SLCO5A1: variants seen among roughly 807,000 people sequenced by gnomAD.
SLCO5A1 encodes the protein organic anion transporter polypeptide-related protein 4.
A neutral mutation model predicts 65.1 loss-of-function variants in SLCO5A1; 39 were observed. The ratio of observed to expected loss-of-function variants is 0.60; its 90% CI spans 0.46 to 0.78. The LOEUF (loss-of-function observed/expected upper bound fraction) is 0.78, where lower values mean the gene tolerates loss of function less well. Ranked by LOEUF, SLCO5A1 falls within the 30% of genes least tolerant of loss-of-function variation. The probability of loss-of-function intolerance (pLI) is 0.00; values close to 1 mark genes in which losing one functional copy is unlikely to be tolerated. For missense variants in SLCO5A1, 1,029 were observed against 1,069.4 expected, an observed-to-expected ratio of 0.96 and a Z score of 0.53; for synonymous variants, 438 against 415.7, an observed-to-expected ratio of 1.05 and a Z score of -0.65.
chr8:69,738,216 C>G lies in SLCO5A1; in HGVS notation c.1259-12G>C, dbSNP rs1347328193. Reference sequence around the variant, plus strand: ...TGCTCTTGGTAGGTCTACAAAATGACAAAAATGACAAATGAATGTTATAAA... The same window carrying G: ...TGCTCTTGGTAGGTCTACAAAATGAGAAAAATGACAAATGAATGTTATAAA... On this transcript the variant is annotated splice_polypyrimidine_tract_variant and intron_variant, in intron 4 of 9. Coordinates refer to ENST00000260126, the MANE Select transcript of SLCO5A1 (RefSeq NM_030958.3). The G allele has an allele frequency of 5.7e-6, 9 of 1,572,254 alleles. No individual in the cohort carries two copies. The highest frequency in any genetic ancestry group is 1.8e-5 in the Admixed American group (1 of 55,502).
intron 2 of SLCO5A1, among the ~76,000 whole-genome samples, chr8:69,798,813 G>A (rs1489126207): frequency 3.9e-5 from 6 of 152,210 alleles, no homozygotes; most frequent in Non-Finnish European, 7.3e-5. Flanking sequence ...GAAGCTGAAA[G>A]TAAAGAAGGA....
chr8:69,784,840 A>AAAGG lies in SLCO5A1; in HGVS notation c.908-22966_908-22965insCCTT, dbSNP rs1262885999. Among the ~76,000 whole-genome samples the AAAGG allele has an allele frequency of 5.0e-3, 745 of 147,804 alleles. 4 individuals carry two copies. Among genetic ancestry groups the AAAGG allele is most frequent in the Non-Finnish European group, 8.2e-3 (547 of 66,852 alleles). The stretch of plus-strand genomic sequence containing the variant: ...GAAAGAAAGAAAGAAAGAAAGAAAG[A>AAAGG]AAGAAAGAAAGAAAGAAAGAAAGGG... On this transcript the variant is annotated intron_variant, in intron 2 of 9. Transcript: ENST00000260126.
In SLCO5A1 at chr8:69,763,157, A is replaced by G. The variant is rs533527050; in HGVS notation, c.908-1282T>C. Among the ~76,000 whole-genome samples, 149 of 152,010 alleles carry G rather than the reference A, an allele frequency of 9.8e-4. 1 individual carries two copies. The highest frequency in any genetic ancestry group is 3.3e-3 in the Admixed American group (51 of 15,264). On this transcript the variant is annotated intron_variant, in intron 2 of 9. Transcript: ENST00000260126. ...AAACCTCGTCTCTACTAAAAATACA[A>G]AATTAGCTGGGTGTGGTGGCACGTG... is the stretch of plus-strand genomic sequence containing the variant.
intron 5 of SLCO5A1, among the ~76,000 whole-genome samples, chr8:69,724,546 A>C (rs568343533): frequency 2.2e-4 from 34 of 152,348 alleles, no homozygotes; most frequent in African/African-American, 6.7e-4. Context: ...CCTTCTGGAC[A>C]ATGGAAAGAT....
rs1380977273 is a variant in SLCO5A1 at position 69,672,780 on chromosome 8, AAAAG to A, written c.*85_*88del. On this transcript the variant is annotated 3_prime_UTR_variant, in exon 10 of 10. Transcript: ENST00000260126. ...AGGATTGTGTCTGTAGAGGTTAAAA[AAAAG>A]AAAGAAAGAAAAGAAGGCACAGTTG... 36 of 1,408,636 alleles carry A rather than the reference AAAAG, an allele frequency of 2.6e-5. No individual in the cohort carries two copies. Among genetic ancestry groups the A allele is most frequent in the Middle Eastern group, 2.6e-4 (1 of 3,862 alleles). 87.3% of individuals were successfully genotyped at this position (1,408,636 alleles called of 1,614,324 possible).
At position 69,682,227 on chromosome 8, in the gene SLCO5A1, G is replaced by A. The variant is rs1813814166; in HGVS notation, c.1739C>T (p.Pro580Leu). The A allele has an allele frequency of 6.2e-7, 1 of 1,612,792 alleles. No individual in the cohort carries two copies. The highest frequency in any genetic ancestry group is 1.3e-5 in the African/African-American group (1 of 74,824). Residue 580 changes from proline to leucine, a missense_variant, in exon 7 of 10, where the codon CCT becomes CTT. By Grantham distance (98) the Pro-to-Leu change is moderately conservative. Transcript: ENST00000260126. Reference sequence around the variant, plus strand: ...ACTATTAACACAGCCAGCCAGACAAGGGTTAAAGTATGTAATTCCATCTGA... The same window carrying A: ...ACTATTAACACAGCCAGCCAGACAAAGGTTAAAGTATGTAATTCCATCTGA... ...CGSDGITYFN[P>L]CLAGCVNSGN...
At chr8:69,677,440 A>G (rs1417121797) in intron 8 of SLCO5A1, among the ~76,000 whole-genome samples, 1 of 152,330 alleles carries the variant, frequency 6.6e-6, no homozygotes, top group East Asian at 1.9e-4. Flanking sequence ...AAAGAATAAG[A>G]TTATTTGAGT....
At chr8:69,712,546 C>A (rs374422526) in intron 5 of SLCO5A1, among the ~76,000 whole-genome samples, 2 of 152,140 alleles carry the variant, frequency 1.3e-5, no homozygotes, top group South Asian at 4.2e-4. Flanking sequence ...ATTAGGCAAC[C>A]CATTCATTAT....
At chr8:69,739,424 G>A (rs1029249868) in intron 4 of SLCO5A1, among the ~76,000 whole-genome samples, 1 of 152,088 alleles carries the variant, frequency 6.6e-6, no homozygotes, top group African/African-American at 2.4e-5. Context: ...AAGGTTTTGT[G>A]TTCTCTGAAT....
In SLCO5A1 at chr8:69,679,599, G is replaced by A. The variant is rs1401624757; in HGVS notation, c.1803C>T (p.Cys601=). ...LSTGIRNYTE[C]TCVQSRQVIT... ...TCACTTGGCGACTTTGGACACAGGT[G>A]CATTCTGTATAATTCCGTATCTAAG... Residue 601 remains cysteine, a synonymous_variant, in exon 8 of 10, where the codon TGC becomes TGT. Transcript: ENST00000260126. The A allele has an allele frequency of 1.2e-6, 2 of 1,614,190 alleles. No individual in the cohort carries two copies. Among genetic ancestry groups the A allele is most frequent in the Non-Finnish European group, 1.7e-6 (2 of 1,180,034 alleles).
intron 6 of SLCO5A1, among the ~76,000 whole-genome samples, chr8:69,694,780 T>A (rs17666783): frequency 0.022 from 3,283 of 152,302 alleles, 62 homozygotes; most frequent in Middle Eastern, 0.044. Flanking sequence ...TTTGCTACAA[T>A]TTATAAAGTT....
chr8:69,718,240 G>C (rs1815648783), intron 5 of SLCO5A1, among the ~76,000 whole-genome samples: 2 of 152,126 alleles, frequency 1.3e-5, no homozygotes, highest in South Asian at 4.1e-4. Flanking sequence ...GATCTTGTAA[G>C]ATCTTGCAAC....
At chr8:69,729,738 G>T (rs1348421669) in intron 5 of SLCO5A1, among the ~76,000 whole-genome samples, 3 of 152,076 alleles carry the variant, frequency 2.0e-5, no homozygotes, top group African/African-American at 7.2e-5. Flanking sequence ...TTCGTAATAT[G>T]CTGCAAGCAT....
At chr8:69,761,202 G>A (rs931505585) in intron 3 of SLCO5A1, among the ~76,000 whole-genome samples, 2 of 152,180 alleles carry the variant, frequency 1.3e-5, no homozygotes, top group African/African-American at 4.8e-5. Context: ...TAAGCTCTCT[G>A]CTATAAGAAG....
intron 4 of SLCO5A1, among the ~76,000 whole-genome samples, chr8:69,742,309 T>C (rs1261390828): frequency 6.6e-6 from 1 of 152,208 alleles, no homozygotes; most frequent in Non-Finnish European, 1.5e-5. Context: ...CTACAGAATA[T>C]ATTTTAGATC....
intron 2 of SLCO5A1, among the ~76,000 whole-genome samples, chr8:69,795,067 C>T (rs1819434252): frequency 6.6e-6 from 1 of 152,192 alleles, no homozygotes. Flanking sequence ...TTACTTCCCA[C>T]CAGGCCCCAC....
At chr8:69,786,860 TTAAG>T in intron 2 of SLCO5A1, among the ~76,000 whole-genome samples, 1 of 152,166 alleles carries the variant, frequency 6.6e-6, no homozygotes, top group East Asian at 1.9e-4. Flanking sequence ...CTGAAAGAAA[TTAAG>T]TAAAAGCCTT....
At chr8:69,766,573 G>A (rs1172999949) in intron 2 of SLCO5A1, among the ~76,000 whole-genome samples, 3 of 152,032 alleles carry the variant, frequency 2.0e-5, no homozygotes, top group Non-Finnish European at 2.9e-5. Flanking sequence ...TCTGCCACAT[G>A]GCCACACGGT....
intron 3 of SLCO5A1, 124 bp downstream of exon 3, chr8:69,761,619 C>G: frequency 1.0e-6 from 1 of 992,958 alleles, no homozygotes; most frequent in Non-Finnish European, 1.5e-6. Flanking sequence ...GCCTGTCACC[C>G]CTTCCCAGGC....
Sources: gnomAD v4.1 joint callset for allele counts (sites outside exome capture counted in the v4.1 genomes callset) on GRCh38, gnomAD v4.1.1 for gene constraint, MANE v1.5 for transcripts, NCBI Gene and HGNC (gene_info 2026-07-23, HGNC 2026-07-21) for gene names.